Variants in SHANK2 observed in about 807,000 individuals in gnomAD.
The protein encoded by SHANK2 is SH3 and multiple ankyrin repeat domains 2.
Under a neutral mutation model 133.7 loss-of-function variants are expected in SHANK2, and 43 were observed. The observed-to-expected ratio is 0.32, with a 90% CI of 0.25 to 0.41. The LOEUF (loss-of-function observed/expected upper bound fraction) is 0.41, where lower values mean the gene tolerates loss of function less well. SHANK2 is among the 10% of genes least tolerant of loss of function. The pLI, the probability that SHANK2 is intolerant of heterozygous loss-of-function variation, is 1.00. For missense variants in SHANK2, 1,994 were observed against 2,235.8 expected (o/e 0.89, Z 2.18); for synonymous variants, 1,017 against 952.8 (o/e 1.07, Z -1.24).
chr11:71,165,415 T>G (rs1430923493), intron 2 of SHANK2, among the ~76,000 whole-genome samples: 2 of 152,226 alleles, frequency 1.3e-5, no homozygotes, highest in African/African-American at 4.8e-5. Flanking sequence ...CGAGAGAATC[T>G]CTTGCAGACC....
At chr11:70,709,151 C>T (rs1945727440) in intron 14 of SHANK2, among the ~76,000 whole-genome samples, 2 of 152,252 alleles carry the variant, frequency 1.3e-5, no homozygotes, top group Admixed American at 1.3e-4. Flanking sequence ...TTTGAGGCTA[C>T]AGTGAGCTGA....
intron 17 of SHANK2, among the ~76,000 whole-genome samples, chr11:70,585,826 T>TCCCCCCCCCCCCC: frequency 8.4e-6 from 1 of 119,230 alleles, no homozygotes; most frequent in African/African-American, 3.2e-5. Context: ...ATCCATTTGC[T>TCCCCCCCCCCCCC]CACCCACCCA....
intron 17 of SHANK2, among the ~76,000 whole-genome samples, chr11:70,571,134 C>G (rs191388222): frequency 6.6e-6 from 1 of 152,194 alleles, no homozygotes; most frequent in East Asian, 1.9e-4. Flanking sequence ...GCCTCTCCCC[C>G]ACTCCCTGGA....
At chr11:70,686,785 C>T (rs1299928546) in intron 15 of SHANK2, among the ~76,000 whole-genome samples, 3 of 152,204 alleles carry the variant, frequency 2.0e-5, no homozygotes, top group African/African-American at 7.2e-5. Flanking sequence ...GGAGGAAGGC[C>T]CAGAGCACCA....
intron 17 of SHANK2, among the ~76,000 whole-genome samples, chr11:70,628,754 G>A (rs1227184188): frequency 1.3e-5 from 2 of 152,196 alleles, no homozygotes; most frequent in Non-Finnish European, 2.9e-5. Context: ...AGGGGCTGCC[G>A]AAGTTTCGGC....
intron 20 of SHANK2, 103 bp downstream of exon 20, chr11:70,501,820 A>T: frequency 8.4e-7 from 1 of 1,197,014 alleles, no homozygotes; most frequent in African/African-American, 1.5e-5. Flanking sequence ...CCACGTGGGG[A>T]GCAGCTCACA....
intron 10 of SHANK2, chr11:70,944,100 T>C: frequency 2.6e-6 from 1 of 386,120 alleles, no homozygotes; most frequent in Non-Finnish European, 5.2e-6. Flanking sequence ...TGCAATTCTA[T>C]TTCCCTCGAG....
intron 1 of SHANK2, among the ~76,000 whole-genome samples, chr11:71,241,119 G>A (rs1379988257): frequency 6.6e-6 from 1 of 152,204 alleles, no homozygotes; most frequent in African/African-American, 2.4e-5. Context: ...TCTGTGCACG[G>A]TGAAAGCCCC....
At position 70,607,776 on chromosome 11, in the gene SHANK2, C is replaced by T. The variant is rs149211063; in HGVS notation, c.2061+52052G>A. Reference sequence around the variant, plus strand: ...CTGCTCTGTGTTGAAGCAGCAGCACCGCCTAATGCCAGCCTGGCTGGCCAG... The same window carrying T: ...CTGCTCTGTGTTGAAGCAGCAGCACTGCCTAATGCCAGCCTGGCTGGCCAG... On this transcript the variant is annotated intron_variant, in intron 17 of 25. Transcript: ENST00000601538. Among the ~76,000 whole-genome samples, 77 of 152,344 alleles carry T rather than the reference C, an allele frequency of 5.1e-4. No individual in the cohort carries two copies. In the East Asian group the frequency reaches 0.012, roughly 24 times the overall value.
chr11:71,147,117 C>T lies in SHANK2; in HGVS notation c.207+3G>A. The T allele has an allele frequency of 6.5e-7, 1 of 1,545,048 alleles. No individual in the cohort carries two copies. The highest frequency in any genetic ancestry group is 1.2e-5 in the South Asian group (1 of 83,804). On this transcript the variant is annotated splice_donor_region_variant and intron_variant, in intron 3 of 25. Coordinates refer to ENST00000601538, the MANE Select transcript of SHANK2 (RefSeq NM_012309.5). ...GAACCAAAGGGCAGACCACGGGGCT[C>T]ACCGTCTGCTGCAGGTCATGGATGA... is the stretch of plus-strand genomic sequence containing the variant.
At chr11:70,948,529 T>C (rs1386383692) in intron 10 of SHANK2, among the ~76,000 whole-genome samples, 2 of 152,260 alleles carry the variant, frequency 1.3e-5, no homozygotes, top group African/African-American at 2.4e-5. Context: ...CCTGTTTCTA[T>C]GGGAACACAG....
intron 14 of SHANK2, among the ~76,000 whole-genome samples, chr11:70,720,810 T>TAC (rs1159539796): frequency 2.0e-5 from 3 of 152,154 alleles, no homozygotes; most frequent in Non-Finnish European, 4.4e-5. Flanking sequence ...TGCACATATA[T>TAC]ACACACATGC....
At chr11:71,097,308 TTGA>T (rs1463676547) in intron 6 of SHANK2, among the ~76,000 whole-genome samples, 8 of 151,658 alleles carry the variant, frequency 5.3e-5, no homozygotes, top group Non-Finnish European at 8.8e-5. Context: ...AAGATGCTGG[TTGA>T]TGAGCTATAA....
At chr11:70,538,814 G>A (rs527385226) in intron 17 of SHANK2, among the ~76,000 whole-genome samples, 4 of 152,306 alleles carry the variant, frequency 2.6e-5, no homozygotes, top group Middle Eastern at 3.4e-3. Context: ...CGGGAGGCAC[G>A]CACAGACGGT....
At chr11:70,866,162 G>A (rs1555068973) in intron 11 of SHANK2, among the ~76,000 whole-genome samples, 3 of 152,318 alleles carry the variant, frequency 2.0e-5, no homozygotes, top group African/African-American at 4.8e-5. Flanking sequence ...CCACCAGGGA[G>A]CGGTCTGCTG....
chr11:70,555,792 C>T (rs1248293600), intron 17 of SHANK2, among the ~76,000 whole-genome samples: 3 of 152,192 alleles, frequency 2.0e-5, no homozygotes, highest in African/African-American at 7.2e-5. Context: ...AGTGAAGCAT[C>T]CTCATTGCTG....
chr11:71,243,931 C>G (rs1437776836), intron 1 of SHANK2, among the ~76,000 whole-genome samples: 1 of 152,072 alleles, frequency 6.6e-6, no homozygotes, highest in African/African-American at 2.4e-5. Flanking sequence ...GTGAATTCTA[C>G]CAAACATTTA....
chr11:70,542,764 T>C lies in SHANK2; in HGVS notation c.2062-39833A>G, dbSNP rs545190557. ...AAAGAAGCATTTTCACAAGACAACC[T>C]GATCACGCAGCTTCCTGCCTGTACC... On this transcript the variant is annotated intron_variant, in intron 17 of 25. Transcript: ENST00000601538. 9.2e-5 allele frequency among the ~76,000 whole-genome samples: 14 copies of C among 152,290 alleles called. No individual in the cohort carries two copies. In the South Asian group the frequency reaches 2.9e-3, roughly 32 times the overall value.
chr11:70,552,868 A>G (rs910642491), intron 17 of SHANK2, among the ~76,000 whole-genome samples: 1 of 152,096 alleles, frequency 6.6e-6, no homozygotes, highest in Admixed American at 6.5e-5. Context: ...CTGCCCTAAC[A>G]GAGCACAGAC....
Sources: allele counts gnomAD v4.1 joint callset (sites outside exome capture counted in the v4.1 genomes callset), GRCh38; gene constraint gnomAD v4.1.1; transcripts MANE v1.5; gene names NCBI Gene and HGNC (gene_info 2026-07-23, HGNC 2026-07-21).